Variants in CDK14 observed in about 807,000 individuals in gnomAD.
CDK14 encodes cyclin dependent kinase 14, also known as cyclin-dependent kinase 14.
A neutral mutation model predicts 60.7 loss-of-function variants in CDK14; 34 were observed. That is an observed-to-expected ratio of 0.56 (90% CI 0.43 to 0.75). The LOEUF (loss-of-function observed/expected upper bound fraction) is 0.75, where lower values mean the gene tolerates loss of function less well. CDK14 is among the 30% of genes least tolerant of loss of function. The pLI, the probability that CDK14 is intolerant of heterozygous loss-of-function variation, is 0.00. For synonymous variants in CDK14, 197 were observed against 203.7 expected, an observed-to-expected ratio of 0.97 and a Z score of 0.28; for missense variants, 482 against 564.1, an observed-to-expected ratio of 0.85 and a Z score of 1.47.
chr7:90,933,654 T>G (rs940833967), intron 8 of CDK14, among the ~76,000 whole-genome samples: 1 of 152,146 alleles, frequency 6.6e-6, no homozygotes, highest in African/African-American at 2.4e-5. Flanking sequence ...CTTGGGAGAT[T>G]TAGAGAGAAA....
At chr7:90,683,222 CT>C (rs1328336720) in intron 2 of CDK14, among the ~76,000 whole-genome samples, 1 of 152,102 alleles carries the variant, frequency 6.6e-6, no homozygotes, top group African/African-American at 2.4e-5. Context: ...TATTTTCTTT[CT>C]TTCTTTATTC....
chr7:91,199,256 C>A (rs1350648204), intron 14 of CDK14, among the ~76,000 whole-genome samples: 2 of 151,988 alleles, frequency 1.3e-5, no homozygotes, highest in African/African-American at 4.8e-5. Context: ...TCAAACCTCC[C>A]AGTTTTTATT....
intron 2 of CDK14, among the ~76,000 whole-genome samples, chr7:90,643,692 A>G (rs1387585110): frequency 1.3e-5 from 2 of 152,196 alleles, no homozygotes; most frequent in African/African-American, 4.8e-5. Context: ...AGGAAGCCAG[A>G]TGACAGCTTC....
chr7:90,945,692 G>A (rs1794080552), intron 8 of CDK14, among the ~76,000 whole-genome samples: 1 of 152,176 alleles, frequency 6.6e-6, no homozygotes, highest in Admixed American at 6.6e-5. Flanking sequence ...AGGGGACAAG[G>A]ACTTTGTAAT....
At chr7:90,796,113 G>C (rs1376060585) in intron 5 of CDK14, among the ~76,000 whole-genome samples, 1 of 152,164 alleles carries the variant, frequency 6.6e-6, no homozygotes, top group Non-Finnish European at 1.5e-5. Flanking sequence ...TTTAAGCCTT[G>C]AGATGAGCTT....
At chr7:90,779,356 G>T (rs538751403) in intron 4 of CDK14, among the ~76,000 whole-genome samples, 1 of 152,278 alleles carries the variant, frequency 6.6e-6, no homozygotes, top group South Asian at 2.1e-4. Context: ...GGGCTCTAGT[G>T]GTTCCCCGAC....
intron 11 of CDK14, among the ~76,000 whole-genome samples, chr7:91,078,048 C>T (rs892443429): frequency 1.3e-5 from 2 of 152,164 alleles, no homozygotes; most frequent in African/African-American, 4.8e-5. Context: ...CATACTTTTT[C>T]ATCACTGGTG....
chr7:91,109,029 A>G (rs1389298378), intron 12 of CDK14, among the ~76,000 whole-genome samples: 2 of 152,182 alleles, frequency 1.3e-5, no homozygotes, highest in African/African-American at 4.8e-5. Context: ...TAGCTGAAAT[A>G]ATTGTTAATA....
At chr7:91,137,503 TA>T (rs1800315294) in intron 14 of CDK14, among the ~76,000 whole-genome samples, 2 of 152,044 alleles carry the variant, frequency 1.3e-5, no homozygotes, top group East Asian at 3.9e-4. Context: ...ATTGAAAAAA[TA>T]AAAAATTTTT....
chr7:90,675,397 A>AG (rs1402047769), intron 2 of CDK14, among the ~76,000 whole-genome samples: 1 of 45,312 alleles, frequency 2.2e-5, no homozygotes, highest in East Asian at 9.2e-4. Flanking sequence ...GTCTGAATAT[A>AG]GGATTTTTTT....
chr7:91,060,682 A>G (rs1797754353), intron 11 of CDK14, among the ~76,000 whole-genome samples: 1 of 152,134 alleles, frequency 6.6e-6, no homozygotes, highest in Admixed American at 6.5e-5. Context: ...TGGATATGAA[A>G]TTCTGGTTTG....
intron 13 of CDK14, among the ~76,000 whole-genome samples, chr7:91,115,500 G>T (rs765303272): frequency 6.6e-6 from 1 of 152,024 alleles, no homozygotes; most frequent in Non-Finnish European, 1.5e-5. Context: ...TAGGGGTTAG[G>T]GCTTCAACAG....
intron 5 of CDK14, among the ~76,000 whole-genome samples, chr7:90,815,218 C>T (rs1009073439): frequency 6.6e-6 from 1 of 152,160 alleles, no homozygotes; most frequent in African/African-American, 2.4e-5. Context: ...AAACTCTTTT[C>T]CTATTGCCAT....
At chr7:90,803,045 A>T (rs1483110266) in intron 5 of CDK14, among the ~76,000 whole-genome samples, 1 of 151,946 alleles carries the variant, frequency 6.6e-6, no homozygotes, top group Non-Finnish European at 1.5e-5. Context: ...GCTGTTTGGA[A>T]GCTCTGGGTG....
At chr7:91,010,303 C>T (rs1304166334) in intron 10 of CDK14, among the ~76,000 whole-genome samples, 1 of 151,996 alleles carries the variant, frequency 6.6e-6, no homozygotes, top group Non-Finnish European at 1.5e-5. Context: ...AAAAAAAAAG[C>T]CTGCTTGGTA....
At chr7:91,000,079 A>AT (rs1057319393) in intron 10 of CDK14, among the ~76,000 whole-genome samples, 3 of 151,764 alleles carry the variant, frequency 2.0e-5, no homozygotes, top group Non-Finnish European at 4.4e-5. Context: ...AGCAAGCTGA[A>AT]TTTTTTTTTA....
intron 4 of CDK14, among the ~76,000 whole-genome samples, chr7:90,754,949 T>C (rs1021194961): frequency 6.6e-6 from 1 of 152,092 alleles, no homozygotes; most frequent in African/African-American, 2.4e-5. Context: ...ATGGCTATTA[T>C]TAAAAGTCAA....
At chr7:90,969,377 T>C (rs1794853451) in intron 9 of CDK14, among the ~76,000 whole-genome samples, 1 of 152,210 alleles carries the variant, frequency 6.6e-6, no homozygotes, top group East Asian at 1.9e-4. Context: ...TAGGATAATT[T>C]ACATGAAGGT....
intron 2 of CDK14, among the ~76,000 whole-genome samples, chr7:90,680,257 C>G (rs976915504): frequency 6.6e-6 from 1 of 151,982 alleles, no homozygotes; most frequent in African/African-American, 2.4e-5. Context: ...TTATATCTGC[C>G]TCGGACTTAT....
Sources: allele counts gnomAD v4.1 joint callset (sites outside exome capture counted in the v4.1 genomes callset), GRCh38; gene constraint gnomAD v4.1.1; transcripts MANE v1.5; gene names NCBI Gene and HGNC (gene_info 2026-07-23, HGNC 2026-07-21).